ADAMTSL3: variants seen among roughly 807,000 people sequenced by gnomAD.
ADAMTSL3 encodes ADAMTS-like protein 3.
Under a neutral mutation model 201.7 loss-of-function variants are expected in ADAMTSL3, and 128 were observed. The ratio of observed to expected loss-of-function variants is 0.63; its 90% CI spans 0.55 to 0.73. ADAMTSL3 has a LOEUF of 0.73. Among genes scored for constraint, ADAMTSL3 ranks in the 30% least tolerant of loss-of-function variants. ADAMTSL3 has a pLI of 0.00. For missense variants in ADAMTSL3, 1,990 were observed against 2,119.6 expected, an observed-to-expected ratio of 0.94 and a Z score of 1.20; for synonymous variants, 738 against 748.4, an observed-to-expected ratio of 0.99 and a Z score of 0.23.
intron 1 of ADAMTSL3, 62 bp from the exon 2 acceptor site, chr15:83,655,666 AG>A: frequency 8.0e-7 from 1 of 1,252,978 alleles, no homozygotes; most frequent in East Asian, 2.4e-5. Context: ...GGGTCGCTTA[AG>A]TCACGGTTTA....
chr15:83,703,612 C>T (rs956875858), intron 2 of ADAMTSL3, among the ~76,000 whole-genome samples: 4 of 152,182 alleles, frequency 2.6e-5, no homozygotes, highest in East Asian at 1.9e-4. Flanking sequence ...CTCTTGTGGC[C>T]GTCATGTCGG....
At chr15:83,860,621 T>C (rs2141782893) in intron 8 of ADAMTSL3, among the ~76,000 whole-genome samples, 1 of 152,336 alleles carries the variant, frequency 6.6e-6, no homozygotes, top group East Asian at 1.9e-4. Flanking sequence ...GCTCCAAAAC[T>C]AGTTTTATAA....
chr15:83,983,206 CAATA>C lies in ADAMTSL3; in HGVS notation c.3582_3585del (p.Asn1195ProfsTer43), dbSNP rs1246308504. The C allele has an allele frequency of 6.2e-7, 1 of 1,613,946 alleles. No homozygotes were observed. Among genetic ancestry groups the C allele is most frequent in the Admixed American group, 1.7e-5 (1 of 59,986 alleles). On this transcript the variant is annotated frameshift_variant, in exon 21 of 30. Transcript: ENST00000286744. LOFTEE classifies it high-confidence loss of function. ...CCTCCCTCAATTTCATTTAATAAAACAATAAATTCCAGGATTGGAAATACAGTAT... is the reference window on the plus strand; with the variant it reads ...CCTCCCTCAATTTCATTTAATAAAACAATTCCAGGATTGGAAATACAGTAT...
intron 4 of ADAMTSL3, 53 bp downstream of exon 4, chr15:83,773,703 A>G (rs1361262442): frequency 6.4e-7 from 1 of 1,573,218 alleles, no homozygotes; most frequent in East Asian, 2.2e-5. Context: ...GTGCCTCTGG[A>G]TGGGTGGAGA....
intron 17 of ADAMTSL3, among the ~76,000 whole-genome samples, 157 bp from the exon 18 acceptor site, chr15:83,942,439 T>C (rs17158503): frequency 0.015 from 2,215 of 152,334 alleles, 59 homozygotes; most frequent in African/African-American, 0.047. Context: ...TTCTGTGTTT[T>C]AATTGCGTAT....
intron 7 of ADAMTSL3, among the ~76,000 whole-genome samples, 174 bp from the exon 8 acceptor site, chr15:83,858,592 C>T (rs1189473213): frequency 7.9e-5 from 12 of 152,100 alleles, no homozygotes; most frequent in African/African-American, 2.2e-4. Flanking sequence ...AGGCTGGTCT[C>T]GAACTCCTGA....
chr15:83,863,017 CAAAG>C (rs979761365), intron 8 of ADAMTSL3: 1 of 152,054 alleles, frequency 6.6e-6, no homozygotes, highest in Non-Finnish European at 1.5e-5. Context: ...TCAAAAGAGA[CAAAG>C]AAGGCCATTA....
At chr15:83,823,021 C>T (rs1324839584) in intron 6 of ADAMTSL3, among the ~76,000 whole-genome samples, 1 of 151,918 alleles carries the variant, frequency 6.6e-6, no homozygotes, top group Non-Finnish European at 1.5e-5. Context: ...AGCGAAACCC[C>T]GTCTCCACCA....
intron 15 of ADAMTSL3, among the ~76,000 whole-genome samples, chr15:83,900,686 G>C (rs1181379594): frequency 6.6e-6 from 1 of 152,194 alleles, no homozygotes; most frequent in East Asian, 1.9e-4. Flanking sequence ...AGAGTTCACT[G>C]CATTAAGAGA....
At chr15:83,720,567 T>C (rs2062086404) in intron 3 of ADAMTSL3, among the ~76,000 whole-genome samples, 1 of 152,196 alleles carries the variant, frequency 6.6e-6, no homozygotes, top group Admixed American at 6.5e-5. Flanking sequence ...TTGAGAAATA[T>C]TGATTTAGCG....
rs192307880 is a variant in ADAMTSL3 at position 83,901,898 on chromosome 15, G to A, written c.1700+2167G>A. Among the ~76,000 whole-genome samples, 79 of 152,270 alleles carry A rather than the reference G, an allele frequency of 5.2e-4. 1 individual carries two copies. Among genetic ancestry groups the A allele is most frequent in the Middle Eastern group, 3.4e-3 (1 of 294 alleles). On this transcript the variant is annotated intron_variant, in intron 15 of 29. Transcript: ENST00000286744. Reference sequence around the variant, plus strand: ...CACAGAGTCCTTTGTCTAGAATGATGGGTCCTACCAAGATCTTTTGCTTTC... The same window carrying A: ...CACAGAGTCCTTTGTCTAGAATGATAGGTCCTACCAAGATCTTTTGCTTTC...
At chr15:83,832,570 G>A (rs2064177605) in intron 6 of ADAMTSL3, among the ~76,000 whole-genome samples, 2 of 152,128 alleles carry the variant, frequency 1.3e-5, no homozygotes, top group South Asian at 4.2e-4. Flanking sequence ...TCCTTCAGCA[G>A]GATAATGTTC....
Position 83,997,413 on chromosome 15 carries a change from C to G in ADAMTSL3, c.3973+6199C>G, listed in dbSNP as rs1218107563. On this transcript the variant is annotated intron_variant, in intron 23 of 29. Coordinates refer to ENST00000286744, the MANE Select transcript of ADAMTSL3 (RefSeq NM_207517.3). ...GACCAGCCTGGCCAATATGATGAAA[C>G]CCTGTCTCTACTAAAAATACAAAAA... is the stretch of plus-strand genomic sequence containing the variant. Among the ~76,000 whole-genome samples the G allele has an allele frequency of 2.0e-5, 3 of 152,034 alleles. No homozygotes were observed. The South Asian group carries it at 6.2e-4, about 32-fold the overall frequency.
intron 2 of ADAMTSL3, among the ~76,000 whole-genome samples, chr15:83,693,382 CG>C (rs1412754642): frequency 6.6e-6 from 1 of 152,134 alleles, no homozygotes; most frequent in Non-Finnish European, 1.5e-5. Flanking sequence ...CAGCCATGCT[CG>C]GGCCTGGCCA....
At chr15:83,934,635 G>A (rs943347056) in intron 17 of ADAMTSL3, among the ~76,000 whole-genome samples, 5 of 152,094 alleles carry the variant, frequency 3.3e-5, no homozygotes, top group African/African-American at 1.2e-4. Context: ...TGTCCCCACC[G>A]AAATATCATC....
chr15:83,790,611 A>G (rs1362186441), intron 4 of ADAMTSL3, among the ~76,000 whole-genome samples: 2 of 152,156 alleles, frequency 1.3e-5, no homozygotes, highest in Non-Finnish European at 2.9e-5. Context: ...AATATTGTAT[A>G]TTATAATTGA....
intron 8 of ADAMTSL3, chr15:83,862,339 G>C (rs946892972): frequency 1.3e-5 from 2 of 152,216 alleles, no homozygotes; most frequent in African/African-American, 4.8e-5. Flanking sequence ...AAGTTGAAAT[G>C]AAGGAAAAAT....
intron 23 of ADAMTSL3, among the ~76,000 whole-genome samples, chr15:83,996,116 C>G (rs2067682137): frequency 6.6e-6 from 1 of 151,970 alleles, no homozygotes; most frequent in African/African-American, 2.4e-5. Flanking sequence ...AAAATATGAA[C>G]ATATTTTTAA....
chr15:83,897,661 G>A (rs1379688091), intron 13 of ADAMTSL3, among the ~76,000 whole-genome samples, 197 bp from the exon 14 acceptor site: 1 of 152,166 alleles, frequency 6.6e-6, no homozygotes, highest in East Asian at 1.9e-4. Context: ...GTGGAACAAG[G>A]TTGTACAAAA....
Sources: allele counts gnomAD v4.1 joint callset (sites outside exome capture counted in the v4.1 genomes callset), GRCh38; gene constraint gnomAD v4.1.1; transcripts MANE v1.5; gene names NCBI Gene and HGNC (gene_info 2026-07-23, HGNC 2026-07-21).